NCK1: variants seen among roughly 807,000 people sequenced by gnomAD.
NCK1 encodes the protein NCK adaptor protein 1.
A neutral mutation model predicts 36.6 loss-of-function variants in NCK1; 19 were observed. That is an observed-to-expected ratio of 0.52 (90% CI 0.36 to 0.76). The LOEUF is 0.76. NCK1 is among the 30% of genes least tolerant of loss of function. The pLI is 0.00. For missense variants in NCK1, 358 were observed against 445.6 expected (o/e 0.80, Z 1.77); for synonymous variants, 165 against 156.0 (o/e 1.06, Z -0.43).
At chr3:136,903,950 TTG>T (rs1291512545) in intron 1 of NCK1, among the ~76,000 whole-genome samples, 1 of 152,152 alleles carries the variant, frequency 6.6e-6, no homozygotes, top group Non-Finnish European at 1.5e-5. Context: ...TTATATTTTT[TTG>T]TGTTTTTGTG....
intron 1 of NCK1, among the ~76,000 whole-genome samples, chr3:136,918,374 CAA>C (rs1481272142): frequency 6.6e-6 from 1 of 151,866 alleles, no homozygotes; most frequent in Non-Finnish European, 1.5e-5. Context: ...AATATACAAA[CAA>C]AAAACCCAAT....
At chr3:136,927,489 G>C (rs993351782) in intron 1 of NCK1, among the ~76,000 whole-genome samples, 1 of 152,112 alleles carries the variant, frequency 6.6e-6, no homozygotes, top group East Asian at 1.9e-4. Flanking sequence ...AGTTTTGTTT[G>C]ATACTAATAG....
chr3:136,948,297 A>G lies in NCK1; in HGVS notation c.978A>G (p.Lys326=). Residue 326 remains lysine (K), a synonymous_variant, in exon 4 of 4, where the codon AAA becomes AAG. Transcript: ENST00000481752. ...CAGTATCACTAAAAGCACAAGGGAA[A>G]AACAAGCATTTTAAAGTCCAACTAA... ...DFSVSLKAQG[K]NKHFKVQLKE... The G allele has an allele frequency of 6.2e-7, 1 of 1,607,780 alleles. No homozygotes were observed. The highest frequency in any genetic ancestry group is 8.5e-7 in the Non-Finnish European group (1 of 1,177,204).
At chr3:136,908,236 T>G (rs1388132149) in intron 1 of NCK1, among the ~76,000 whole-genome samples, 2 of 152,240 alleles carry the variant, frequency 1.3e-5, no homozygotes, top group Non-Finnish European at 2.9e-5. Flanking sequence ...CTTCGTCATA[T>G]TAACATTCCT....
chr3:136,867,104 CTTTCTTTCTTTCTTTGT>C lies in NCK1; in HGVS notation c.-19+4754_-19+4770del, dbSNP rs1560028448. On this transcript the variant is annotated intron_variant, in intron 1 of 3. Coordinates refer to ENST00000481752, the MANE Select transcript of NCK1 (RefSeq NM_001291999.2). ...TCTTTCTTTCTTTCTTTCTTTCTTT[CTTTCTTTCTTTCTTTGT>C]TTCTTTCTTTCCTTCCTTCCTTCCT... 1.8e-3 allele frequency among the ~76,000 whole-genome samples: 59 copies of C among 31,930 alleles called. 3 individuals carry two copies. Among genetic ancestry groups the C allele is most frequent in the Middle Eastern group, 0.012 (1 of 82 alleles). 20.9% of individuals were successfully genotyped at this position (31,930 alleles called of 152,430 possible).
chr3:136,914,499 T>C (rs970194677), intron 1 of NCK1, among the ~76,000 whole-genome samples: 3 of 152,252 alleles, frequency 2.0e-5, no homozygotes, highest in African/African-American at 7.2e-5. Context: ...CAGAATCCTC[T>C]AATGTTTTTT....
chr3:136,916,457 T>G (rs2108117063), intron 1 of NCK1, among the ~76,000 whole-genome samples: 1 of 152,270 alleles, frequency 6.6e-6, no homozygotes, highest in Non-Finnish European at 1.5e-5. Flanking sequence ...CACCTCCCAT[T>G]AGGCCCCATT....
At chr3:136,909,560 G>A (rs569592518) in intron 1 of NCK1, among the ~76,000 whole-genome samples, 1 of 152,276 alleles carries the variant, frequency 6.6e-6, no homozygotes, top group South Asian at 2.1e-4. Context: ...GTGCACTTGA[G>A]AAGAATATGA....
chr3:136,934,982 A>G (rs199740258), intron 2 of NCK1, among the ~76,000 whole-genome samples: 61 of 151,812 alleles, frequency 4.0e-4, no homozygotes, highest in Non-Finnish European at 1.2e-4. Flanking sequence ...GCTCACTGCA[A>G]CCTCCGCCTC....
At chr3:136,892,569 A>T (rs1204962261) in intron 1 of NCK1, among the ~76,000 whole-genome samples, 1 of 152,258 alleles carries the variant, frequency 6.6e-6, no homozygotes, top group South Asian at 2.1e-4. Flanking sequence ...GACAAAGAAC[A>T]GATTCTTCTC....
Position 136,902,549 on chromosome 3 carries a change from C to T in NCK1, c.-18-25435C>T, listed in dbSNP as rs530275093. 3.9e-5 allele frequency among the ~76,000 whole-genome samples: 6 copies of T among 152,178 alleles called. No homozygotes were observed. In the East Asian group the frequency reaches 5.8e-4, roughly 15 times the overall value. Reference sequence around the variant, plus strand: ...TTCTTATCTGAGGAGATACTTGATACGATTTCAATTTTTAAAAATTTGTTG... The same window carrying T: ...TTCTTATCTGAGGAGATACTTGATATGATTTCAATTTTTAAAAATTTGTTG... On this transcript the variant is annotated intron_variant, in intron 1 of 3. Coordinates refer to ENST00000481752, the MANE Select transcript of NCK1 (RefSeq NM_001291999.2).
chr3:136,938,700 C>T (rs1460978989), intron 2 of NCK1, among the ~76,000 whole-genome samples: 1 of 152,086 alleles, frequency 6.6e-6, no homozygotes, highest in Non-Finnish European at 1.5e-5. Flanking sequence ...GTTGTGAATT[C>T]TATGTTAATC....
rs143284276 is a variant in NCK1 at position 136,862,265 on chromosome 3, T to A, written c.-107T>A. 1.3e-5 allele frequency: 2 copies of A among 152,732 alleles called. No homozygotes were observed. The highest frequency in any genetic ancestry group is 1.9e-4 in the East Asian group (1 of 5,182). The allele number at this position is 152,732 out of a possible 1,614,324, so 9.5% of individuals were successfully genotyped here. A position where few individuals can be genotyped will look rare whatever the true frequency, so the allele number is the denominator to read the frequency against. On this transcript the variant is annotated 5_prime_UTR_variant, in exon 1 of 4. Coordinates refer to ENST00000481752, the MANE Select transcript of NCK1 (RefSeq NM_001291999.2). The stretch of plus-strand genomic sequence containing the variant: ...ACGCGGCGGCGGCGGAGCGCAGGCC[T>A]CGTGCCGTTACGGCCATCACGGCGG...
chr3:136,875,695 T>A (rs1395779428), intron 1 of NCK1, among the ~76,000 whole-genome samples: 6 of 149,180 alleles, frequency 4.0e-5, no homozygotes, highest in African/African-American at 1.5e-4. Flanking sequence ...CTCCCACACA[T>A]TAATAATGGG....
intron 1 of NCK1, among the ~76,000 whole-genome samples, chr3:136,888,470 T>A (rs1939133181): frequency 6.6e-6 from 1 of 151,988 alleles, no homozygotes; most frequent in Non-Finnish European, 1.5e-5. Context: ...TGGCAAAATC[T>A]TGGCTGACTG....
At chr3:136,909,238 G>A (rs1338729353) in intron 1 of NCK1, among the ~76,000 whole-genome samples, 1 of 152,182 alleles carries the variant, frequency 6.6e-6, no homozygotes, top group African/African-American at 2.4e-5. Flanking sequence ...ACAGAGAAGG[G>A]AGTCACTGAC....
chr3:136,932,869 A>G (rs527309802), intron 2 of NCK1, among the ~76,000 whole-genome samples: 10 of 152,358 alleles, frequency 6.6e-5, no homozygotes, highest in African/African-American at 2.2e-4. Flanking sequence ...AAACAGAAAA[A>G]CTTTCTTTGG....
chr3:136,877,410 C>A (rs572897562), intron 1 of NCK1, among the ~76,000 whole-genome samples: 1 of 152,170 alleles, frequency 6.6e-6, no homozygotes, highest in East Asian at 1.9e-4. Flanking sequence ...GAAGAAATAA[C>A]ATTAAACTAT....
At chr3:136,920,238 G>GT (rs1315387534) in intron 1 of NCK1, among the ~76,000 whole-genome samples, 2 of 151,974 alleles carry the variant, frequency 1.3e-5, no homozygotes, top group Non-Finnish European at 2.9e-5. Flanking sequence ...TAAAAATTAA[G>GT]TTTTTCTTCT....
Sources: allele counts gnomAD v4.1 joint callset (sites outside exome capture counted in the v4.1 genomes callset), GRCh38; gene constraint gnomAD v4.1.1; transcripts MANE v1.5; gene names NCBI Gene and HGNC (gene_info 2026-07-23, HGNC 2026-07-21).